Variants in ERCC2 observed in about 807,000 individuals in gnomAD.
ERCC2 encodes the protein ERCC excision repair 2, TFIIH core complex helicase subunit, also known as general transcription and DNA repair factor IIH helicase subunit XPD.
A neutral mutation model predicts 99.4 loss-of-function variants in ERCC2; 90 were observed. That is an observed-to-expected ratio of 0.91 (90% CI 0.76 to 1.08). ERCC2 has a LOEUF of 1.08. Among genes scored for constraint, ERCC2 ranks in the 50% least tolerant of loss-of-function variants. The pLI is 0.00. For missense variants in ERCC2, 993 were observed against 1,038.1 expected (o/e 0.96, Z 0.60); for synonymous variants, 497 against 432.4 (o/e 1.15, Z -1.85).
In ERCC2 at chr19:45,351,484, T is replaced by G; in HGVS notation, c.*145A>C. The G allele has an allele frequency of 6.3e-7, 1 of 1,588,962 alleles. No individual in the cohort carries two copies. Among genetic ancestry groups the G allele is most frequent in the Non-Finnish European group, 8.5e-7 (1 of 1,171,946 alleles). On this transcript the variant is annotated 3_prime_UTR_variant, in exon 23 of 23. Transcript: ENST00000391945. ...TCTGGGTACCTGGTGGATAGCTGCC[T>G]TCTCCTGCGATTAAAGGCTGTGGAC...
chr19:45,351,591 G>C lies in ERCC2; in HGVS notation c.*38C>G, dbSNP rs1466128945. ...GGAACCAGGGCCAGGCAAGACTCAGGAGTCACCAGGAACCGTTTATGGCCC... is the reference window on the plus strand; with the variant it reads ...GGAACCAGGGCCAGGCAAGACTCAGCAGTCACCAGGAACCGTTTATGGCCC... On this transcript the variant is annotated 3_prime_UTR_variant, in exon 23 of 23. Coordinates refer to ENST00000391945, the MANE Select transcript of ERCC2 (RefSeq NM_000400.4). 1 of 1,612,248 alleles carries C rather than the reference G, an allele frequency of 6.2e-7. No individual in the cohort carries two copies. The highest frequency in any genetic ancestry group is 8.5e-7 in the Non-Finnish European group (1 of 1,179,542).
At chr19:45,356,849 A>G (rs915178118) in intron 15 of ERCC2, among the ~76,000 whole-genome samples, 1 of 152,178 alleles carries the variant, frequency 6.6e-6, no homozygotes, top group African/African-American at 2.4e-5. Flanking sequence ...GGGACTTCAG[A>G]TAAGGGACTG....
At chr19:45,369,231 A>G (rs1972527501) in intron 2 of ERCC2, 84 bp from the exon 3 acceptor site, 16 of 1,059,706 alleles carry the variant, frequency 1.5e-5, no homozygotes, top group Admixed American at 1.0e-4. Flanking sequence ...CCGACCCCCA[A>G]TGCCACCAAC....
chr19:45,365,021 T>G, intron 6 of ERCC2, 21 bp downstream of exon 6: 1 of 1,611,576 alleles, frequency 6.2e-7, no homozygotes, highest in East Asian at 2.2e-5. Flanking sequence ...CCTCCCTCCC[T>G]CAGCCCTGCC....
In ERCC2 at chr19:45,364,078, C is replaced by G. The variant is rs1033932068; in HGVS notation, c.857G>C (p.Arg286Pro). 5 of 1,595,452 alleles carry G rather than the reference C, an allele frequency of 3.1e-6. No homozygotes were observed. The highest frequency in any genetic ancestry group is 4.3e-6 in the Non-Finnish European group (5 of 1,171,798). ...TDEQRLRDEY[R>P]RLVEGLREAS... ...CTCCCGCAGCCCCTCCACCAGACGC[C>G]GGTACTCGTCCCGCAGGCGCTGCTC... is the stretch of plus-strand genomic sequence containing the variant. The change falls in exon 10 of 23, where the codon CGG becomes CCG. Residue 286 changes from arginine (R) to proline (P), a missense_variant. Arg to Pro is a moderately radical substitution (Grantham distance 103, BLOSUM62 -2). Around this residue, in one of 3 missense-constraint regions of ERCC2, gnomAD observed 909 missense variants for 930.8 expected, o/e 0.98. Coordinates refer to ENST00000391945, the MANE Select transcript of ERCC2 (RefSeq NM_000400.4).
intron 15 of ERCC2, among the ~76,000 whole-genome samples, chr19:45,357,013 C>G (rs916069502): frequency 6.6e-6 from 1 of 152,170 alleles, no homozygotes; most frequent in Non-Finnish European, 1.5e-5. Flanking sequence ...AGTGGTTTAC[C>G]CCAGTTCTCT....
In ERCC2 at chr19:45,350,303, G is replaced by A. The variant is rs1971667880; in HGVS notation, c.*1326C>T. On this transcript the variant is annotated 3_prime_UTR_variant, in exon 23 of 23. Coordinates refer to ENST00000391945, the MANE Select transcript of ERCC2 (RefSeq NM_000400.4). ...GGGACTGGATGCAGTGTTGGGAACT[G>A]GGGTCCGAAAAGTTCCCAGACACTC... 3 of 1,530,320 alleles carry A rather than the reference G, an allele frequency of 2.0e-6. No homozygotes were observed. The highest frequency in any genetic ancestry group is 2.7e-6 in the Non-Finnish European group (3 of 1,110,078). 94.8% of individuals were successfully genotyped at this position (1,530,320 alleles called of 1,614,324 possible).
At position 45,350,838 on chromosome 19, in the gene ERCC2, C is replaced by T. The variant is rs1022533031; in HGVS notation, c.*791G>A. 13 of 1,298,550 alleles carry T rather than the reference C, an allele frequency of 1.0e-5. No homozygotes were observed. The highest frequency in any genetic ancestry group is 1.4e-5 in the Non-Finnish European group (13 of 913,324). The allele number at this position is 1,298,550 out of a possible 1,614,324, so 80.4% of individuals were successfully genotyped here. A position where few individuals can be genotyped will look rare whatever the true frequency, so the allele number is the denominator to read the frequency against. On this transcript the variant is annotated 3_prime_UTR_variant, in exon 23 of 23. Transcript: ENST00000391945. ...ACCCCCATCTTGCTCAAGAACCTTC[C>T]ATGGCTCCCATCTCCCCTGTGATAC...
At chr19:45,357,921 C>T in intron 12 of ERCC2, 1 of 604,292 alleles carries the variant, frequency 1.7e-6, no homozygotes, top group South Asian at 1.9e-5. Context: ...TGCAAACTTT[C>T]ACGAAGGATC....
intron 15 of ERCC2, 58 bp downstream of exon 15, chr19:45,357,212 G>C: frequency 7.9e-7 from 1 of 1,260,396 alleles, no homozygotes; most frequent in Non-Finnish European, 1.1e-6. Context: ...CAAGGAAGGA[G>C]GGCGGCCCCT....
intron 12 of ERCC2, among the ~76,000 whole-genome samples, chr19:45,360,921 A>G (rs1276747118): frequency 1.3e-5 from 2 of 151,686 alleles, no homozygotes; most frequent in African/African-American, 4.8e-5. Flanking sequence ...TCATGAGGTC[A>G]GGAGATCGAG....
chr19:45,357,849 C>T (rs996240003), intron 12 of ERCC2, 150 bp from the exon 13 acceptor site: 2 of 742,796 alleles, frequency 2.7e-6, no homozygotes, highest in Non-Finnish European at 4.7e-6. Flanking sequence ...ACTGCTTAAG[C>T]CCCAAACCAG....
At chr19:45,367,354 A>AC (rs1972456703) in intron 5 of ERCC2, among the ~76,000 whole-genome samples, 1 of 141,996 alleles carries the variant, frequency 7.0e-6, no homozygotes, top group African/African-American at 2.5e-5. Context: ...ACAAAACAAA[A>AC]ATATATATAT....
At chr19:45,368,575 G>A (rs567567229) in intron 5 of ERCC2, 55 bp downstream of exon 5, 479 of 1,213,728 alleles carry the variant, frequency 3.9e-4, no homozygotes, top group Admixed American at 1.7e-3. Flanking sequence ...GTGGTTGGAC[G>A]AAAGAGTTTT....
Position 45,350,153 on chromosome 19 carries a change from G to C in ERCC2, c.*1476C>G, listed in dbSNP as rs956481101. 1.7e-5 allele frequency: 10 copies of C among 596,406 alleles called. No individual in the cohort carries two copies. The highest frequency in any genetic ancestry group is 4.5e-4 in the Middle Eastern group (1 of 2,230). The allele number at this position is 596,406 out of a possible 1,614,324, so 36.9% of individuals were successfully genotyped here. On this transcript the variant is annotated 3_prime_UTR_variant, in exon 23 of 23. Transcript: ENST00000391945. ...ATTAGAAAGTGGGGCCAGACGTGGT[G>C]GTTCACGCTTGTAACCCCAACACTT...
rs1971728207 is a variant in ERCC2, at chr19:45,350,910, C to T, written c.*719G>A. ...GGAAAGGTCCCTCGTGGAGGGGGGC[C>T]ACTCCTGGATTCACTCATTTCCTCC... On this transcript the variant is annotated 3_prime_UTR_variant, in exon 23 of 23. Coordinates refer to ENST00000391945, the MANE Select transcript of ERCC2 (RefSeq NM_000400.4). 4 of 1,597,850 alleles carry T rather than the reference C, an allele frequency of 2.5e-6. No individual in the cohort carries two copies. The highest frequency in any genetic ancestry group is 1.1e-5 in the South Asian group (1 of 90,708).
intron 7 of ERCC2, 76 bp from the exon 8 acceptor site, chr19:45,364,623 G>A (rs1045078380): frequency 1.3e-5 from 20 of 1,587,010 alleles, no homozygotes; most frequent in South Asian, 2.2e-5. Context: ...ACACTGGCCC[G>A]TCACTCCCAC....
chr19:45,367,364 TATATACACACACACACACAC>T lies in ERCC2; in HGVS notation c.360+1246_360+1265del, dbSNP rs1475734899. ...ACAAAACAAAACAAAAATATATATA[TATATACACACACACACACAC>T]ACACACACACACACACATATAAAAA... On this transcript the variant is annotated intron_variant, in intron 5 of 22. Coordinates refer to ENST00000391945, the MANE Select transcript of ERCC2 (RefSeq NM_000400.4). Among the ~76,000 whole-genome samples, 175 of 102,270 alleles carry T rather than the reference TATATACACACACACACACAC, an allele frequency of 1.7e-3. 4 individuals carry two copies. The East Asian group carries it at 0.027, about 16-fold the overall frequency. 67.1% of individuals were successfully genotyped at this position (102,270 alleles called of 152,430 possible).
Position 45,350,434 on chromosome 19 carries a change from G to GAGCCCCT in ERCC2, c.*1188_*1194dup, listed in dbSNP as rs3916903. The GAGCCCCT allele has an allele frequency of 1.9e-3, 3,093 of 1,613,746 alleles. 6 individuals carry two copies. The highest frequency in any genetic ancestry group is 2.4e-3 in the Non-Finnish European group (2,804 of 1,179,796). Reference sequence around the variant, plus strand: ...GGAGGACCTACCCGCCCCTCTCGGTGAGCCCCTAGCCCCTGTCTGTCTTCC... The same window carrying GAGCCCCT: ...GGAGGACCTACCCGCCCCTCTCGGTGAGCCCCTAGCCCCTAGCCCCTGTCTGTCTTCC... On this transcript the variant is annotated 3_prime_UTR_variant, in exon 23 of 23. Coordinates refer to ENST00000391945, the MANE Select transcript of ERCC2 (RefSeq NM_000400.4).
Sources: gnomAD v4.1 joint callset for allele counts (sites outside exome capture counted in the v4.1 genomes callset) on GRCh38, gnomAD v4.1.1 for gene constraint, gnomAD v4.1.1 regional missense constraint, MANE v1.5 for transcripts, NCBI Gene and HGNC (gene_info 2026-07-23, HGNC 2026-07-21) for gene names.